The following RASGRF2 variants were observed in gnomAD, a reference collection of about 807,000 sequenced individuals.
The protein encoded by RASGRF2 is Ras protein specific guanine nucleotide releasing factor 2, also known as ras-specific guanine nucleotide-releasing factor 2.
Under a neutral mutation model 151.0 loss-of-function variants are expected in RASGRF2, and 76 were observed. The ratio of observed to expected loss-of-function variants is 0.50; its 90% CI spans 0.42 to 0.61. RASGRF2 has a LOEUF of 0.61. Among genes scored for constraint, RASGRF2 ranks in the 20% least tolerant of loss-of-function variants. The probability of loss-of-function intolerance (pLI) is 0.00; values close to 1 mark genes in which losing one functional copy is unlikely to be tolerated. For missense variants in RASGRF2, 1,148 were observed against 1,564.6 expected (o/e 0.73, Z 4.49); for synonymous variants, 504 against 566.5 (o/e 0.89, Z 1.57).
At chr5:81,120,504 GC>G (rs1753276929) in intron 15 of RASGRF2, among the ~76,000 whole-genome samples, 1 of 152,178 alleles carries the variant, frequency 6.6e-6, no homozygotes, top group Admixed American at 6.5e-5. Flanking sequence ...GATCACTTGA[GC>G]CTAAGAGGTC....
rs570710346 is a variant in RASGRF2, at chr5:81,055,258, T to C, written c.395+12275T>C. On this transcript the variant is annotated intron_variant, in intron 2 of 26. Coordinates refer to ENST00000265080, the MANE Select transcript of RASGRF2 (RefSeq NM_006909.3). The stretch of plus-strand genomic sequence containing the variant: ...TGCCCATTCAGTATGATATTTGCTG[T>C]GGGTTTGTCATAGATAGCTCTTATT... Among the ~76,000 whole-genome samples, 237 of 152,274 alleles carry C rather than the reference T, an allele frequency of 1.6e-3. 3 individuals carry two copies. Among genetic ancestry groups the C allele is most frequent in the African/African-American group, 1.7e-3 (69 of 41,538 alleles).
At chr5:80,987,742 A>G (rs1271193437) in intron 1 of RASGRF2, among the ~76,000 whole-genome samples, 1 of 152,194 alleles carries the variant, frequency 6.6e-6, no homozygotes, top group Non-Finnish European at 1.5e-5. Context: ...ATAGCTCATC[A>G]CAGTTTCATA....
intron 9 of RASGRF2, among the ~76,000 whole-genome samples, chr5:81,088,790 A>G (rs554018905): frequency 6.6e-6 from 1 of 152,324 alleles, no homozygotes; most frequent in South Asian, 2.1e-4. Context: ...AAAACATTCA[A>G]TAATGAAAAA....
In RASGRF2 at chr5:81,229,420, G is replaced by T. The variant is rs115071818; in HGVS notation, c.*3650G>T. 1.1e-3 allele frequency: 175 copies of T among 152,214 alleles called. No individual in the cohort carries two copies. Among genetic ancestry groups the T allele is most frequent in the African/African-American group, 4.0e-3 (168 of 41,544 alleles). 9.4% of individuals were successfully genotyped at this position (152,214 alleles called of 1,614,324 possible). The stretch of plus-strand genomic sequence containing the variant: ...TTATAGATACCACCGTGTAATAGAA[G>T]ACTTAAGTCAATGAAATCTAATCAG... On this transcript the variant is annotated 3_prime_UTR_variant, in exon 27 of 27. Coordinates refer to ENST00000265080, the MANE Select transcript of RASGRF2 (RefSeq NM_006909.3).
chr5:81,152,049 T>C (rs533715059), intron 17 of RASGRF2, among the ~76,000 whole-genome samples: 1 of 152,276 alleles, frequency 6.6e-6, no homozygotes, highest in East Asian at 1.9e-4. Context: ...TCACCCAGGC[T>C]GGAGTGCAGT....
chr5:81,112,996 T>C (rs764001649), intron 14 of RASGRF2, 138 bp downstream of exon 14: 7 of 1,149,480 alleles, frequency 6.1e-6, no homozygotes, highest in East Asian at 2.6e-5. Context: ...ACCATGCCCC[T>C]CCAGCAGAAG....
intron 22 of RASGRF2, 26 bp from the exon 23 acceptor site, chr5:81,212,340 C>T: frequency 6.4e-7 from 1 of 1,559,894 alleles, no homozygotes; most frequent in Non-Finnish European, 8.7e-7. Context: ...CTTAGACTGC[C>T]TTTCGGGGCT....
chr5:81,178,946 G>A (rs1232896044), intron 17 of RASGRF2, among the ~76,000 whole-genome samples: 1 of 152,164 alleles, frequency 6.6e-6, no homozygotes, highest in Non-Finnish European at 1.5e-5. Context: ...CACCATGTTA[G>A]CCGGGATGGT....
chr5:81,035,291 G>C (rs1027617945), intron 1 of RASGRF2, among the ~76,000 whole-genome samples: 8 of 152,142 alleles, frequency 5.3e-5, no homozygotes, highest in African/African-American at 9.7e-5. Context: ...CATAAAAAAG[G>C]ATGAGTTCAT....
intron 19 of RASGRF2, among the ~76,000 whole-genome samples, chr5:81,202,925 T>C (rs554479159): frequency 9.8e-5 from 15 of 152,358 alleles, no homozygotes; most frequent in African/African-American, 3.4e-4. Flanking sequence ...TGCTGACTGT[T>C]CGATTACAGA....
At chr5:81,138,302 C>T (rs531445502) in intron 17 of RASGRF2, among the ~76,000 whole-genome samples, 14 of 152,238 alleles carry the variant, frequency 9.2e-5, no homozygotes, top group Admixed American at 5.9e-4. Context: ...GCTTCCCTGG[C>T]TGCTGCATTC....
At chr5:81,083,636 G>A (rs1183983474) in intron 7 of RASGRF2, among the ~76,000 whole-genome samples, 2 of 152,178 alleles carry the variant, frequency 1.3e-5, no homozygotes, top group African/African-American at 2.4e-5. Context: ...AAATAATGTT[G>A]TCATTAACAT....
At chr5:80,972,723 G>A (rs934596927) in intron 1 of RASGRF2, among the ~76,000 whole-genome samples, 4 of 151,720 alleles carry the variant, frequency 2.6e-5, no homozygotes, top group East Asian at 1.9e-4. Context: ...CAAGTGATCC[G>A]CCCACCTCGG....
Position 81,111,725 on chromosome 5 carries a change from A to G in RASGRF2, c.1839-885A>G, listed in dbSNP as rs548093245. ...GGAAATAAGAAGAGACATTAATACA[A>G]TATAAAAAACAGTAGAAGGGGTAAA... On this transcript the variant is annotated intron_variant, in intron 13 of 26. Coordinates refer to ENST00000265080, the MANE Select transcript of RASGRF2 (RefSeq NM_006909.3). Among the ~76,000 whole-genome samples, 6 of 152,300 alleles carry G rather than the reference A, an allele frequency of 3.9e-5. No homozygotes were observed. In the South Asian group the frequency reaches 1.2e-3, roughly 32 times the overall value.
intron 1 of RASGRF2, among the ~76,000 whole-genome samples, chr5:80,984,048 G>A (rs1286840292): frequency 2.6e-5 from 4 of 152,100 alleles, no homozygotes; most frequent in South Asian, 4.2e-4. Context: ...AACTGAGCTC[G>A]TTTTTCCTTC....
chr5:80,972,327 T>C (rs1747964298), intron 1 of RASGRF2, among the ~76,000 whole-genome samples: 1 of 152,222 alleles, frequency 6.6e-6, no homozygotes, highest in African/African-American at 2.4e-5. Context: ...TTCCAGTTAC[T>C]TTCCAACCTT....
intron 9 of RASGRF2, chr5:81,087,430 T>G (rs965873604): frequency 1.5e-6 from 1 of 662,604 alleles, no homozygotes; most frequent in African/African-American, 1.8e-5. Flanking sequence ...CGATATAATT[T>G]GATTCAACTG....
chr5:81,008,441 G>A (rs986577709), intron 1 of RASGRF2, among the ~76,000 whole-genome samples: 10 of 152,100 alleles, frequency 6.6e-5, no homozygotes, highest in South Asian at 4.1e-4. Flanking sequence ...ATGAGCCACC[G>A]TGCCTGGCTG....
chr5:81,021,580 GTCTA>G (rs1021176575), intron 1 of RASGRF2, among the ~76,000 whole-genome samples: 44 of 148,376 alleles, frequency 3.0e-4, no homozygotes, highest in African/African-American at 1.0e-3. Context: ...GTGTGTGTGT[GTCTA>G]TCAGAGGGTG....
Sources: allele counts gnomAD v4.1 joint callset (sites outside exome capture counted in the v4.1 genomes callset), GRCh38; gene constraint gnomAD v4.1.1; transcripts MANE v1.5; gene names NCBI Gene and HGNC (gene_info 2026-07-23, HGNC 2026-07-21).